Variants in SOX13 observed in about 807,000 individuals in gnomAD.
SOX13 encodes SRY-box transcription factor 13, also known as transcription factor SOX-13.
Under a neutral mutation model 71.8 loss-of-function variants are expected in SOX13, and 28 were observed. That is an observed-to-expected ratio of 0.39 (90% confidence interval 0.29 to 0.53). The LOEUF is 0.53. Among genes scored for constraint, SOX13 ranks in the 20% least tolerant of loss-of-function variants. The pLI, the probability that SOX13 is intolerant of heterozygous loss-of-function variation, is 0.70. For synonymous variants in SOX13, 309 were observed against 317.8 expected, an observed-to-expected ratio of 0.97 and a Z score of 0.29; for missense variants, 627 against 810.3, an observed-to-expected ratio of 0.77 and a Z score of 2.75.
intron 4 of SOX13, 148 bp from the exon 5 acceptor site, chr1:204,116,359 T>G: frequency 6.4e-7 from 1 of 1,561,588 alleles, no homozygotes; most frequent in Non-Finnish European, 8.7e-7. Context: ...GGCAAGCATC[T>G]TGTGTCATCA....
intron 1 of SOX13, among the ~76,000 whole-genome samples, chr1:204,106,675 T>C (rs909632738): frequency 6.6e-6 from 1 of 152,046 alleles, no homozygotes; most frequent in African/African-American, 2.4e-5. Context: ...CTGACTAATT[T>C]TGTGTTTTTA....
Position 204,117,118 on chromosome 1 carries a change from C to A in SOX13, c.592-4C>A, listed in dbSNP as rs201557813. ...CCCCTCTGCCTACTCTTTCCCTCTC[C>A]CAGATTGCAAAGCAGCAGCAGCAGC... On this transcript the variant is annotated splice_region_variant and splice_polypyrimidine_tract_variant and intron_variant, in intron 5 of 13. Coordinates refer to ENST00000367204, the MANE Select transcript of SOX13 (RefSeq NM_005686.3). 6.2e-7 allele frequency: 1 copy of A among 1,613,696 alleles called. No homozygotes were observed. Among genetic ancestry groups the A allele is most frequent in the African/African-American group, 1.3e-5 (1 of 74,898 alleles).
chr1:204,111,993 A>G (rs1656588346), intron 1 of SOX13, among the ~76,000 whole-genome samples: 1 of 152,186 alleles, frequency 6.6e-6, no homozygotes, highest in African/African-American at 2.4e-5. Flanking sequence ...GAGTAGTAGG[A>G]GTGTAGAGGC....
intron 7 of SOX13, chr1:204,117,971 A>G (rs1656729021): frequency 4.5e-6 from 2 of 448,294 alleles, no homozygotes; most frequent in Non-Finnish European, 8.1e-6. Context: ...ACTCTAGTAC[A>G]TTTACTGTGT....
chr1:204,114,699 T>A, intron 4 of SOX13, 94 bp downstream of exon 4: 1 of 927,878 alleles, frequency 1.1e-6, no homozygotes. Flanking sequence ...CAGTTCTTGG[T>A]ACATACCTAT....
At chr1:204,121,331 A>AT (rs1656800069) in intron 7 of SOX13, among the ~76,000 whole-genome samples, 1 of 152,024 alleles carries the variant, frequency 6.6e-6, no homozygotes, top group African/African-American at 2.4e-5. Context: ...TGTTGACCAG[A>AT]TTGGTCTTGA....
In SOX13 at chr1:204,125,787, C is replaced by A. The variant is rs182012570; in HGVS notation, c.1593-71C>A. ...AGTGGGAGTGCATGCTCTGAGGAGG[C>A]CTGGAGGGGAGATGGGTTTGGGGTT... On this transcript the variant is annotated intron_variant, in intron 13 of 13. Coordinates refer to ENST00000367204, the MANE Select transcript of SOX13 (RefSeq NM_005686.3). 33 of 1,501,552 alleles carry A rather than the reference C, an allele frequency of 2.2e-5. No individual in the cohort carries two copies. The Middle Eastern group carries it at 5.6e-4, about 26-fold the overall frequency. 93.0% of individuals were successfully genotyped at this position (1,501,552 alleles called of 1,614,324 possible).
At chr1:204,096,979 A>T (rs570792607) in intron 1 of SOX13, among the ~76,000 whole-genome samples, 1 of 152,320 alleles carries the variant, frequency 6.6e-6, no homozygotes, top group African/African-American at 2.4e-5. Context: ...AAACACTGAT[A>T]CGTGCCTCTG....
At position 204,116,726 on chromosome 1, in the gene SOX13, G is replaced by A. The variant is rs528463935; in HGVS notation, c.591+47G>A. On this transcript the variant is annotated intron_variant, in intron 5 of 13. Transcript: ENST00000367204. Reference sequence around the variant, plus strand: ...TAGCTTTCTTTCCAGGAAAAGGAGTGTGTCAGGACCTAGAGAAGGCTGCCT... The same window carrying A: ...TAGCTTTCTTTCCAGGAAAAGGAGTATGTCAGGACCTAGAGAAGGCTGCCT... 14 of 1,604,716 alleles carry A rather than the reference G, an allele frequency of 8.7e-6. No individual in the cohort carries two copies. The South Asian group carries it at 1.0e-4, about 12-fold the overall frequency.
At position 204,094,340 on chromosome 1, in the gene SOX13, C is replaced by T. The variant is rs572520553; in HGVS notation, c.-1-18575C>T. On this transcript the variant is annotated intron_variant, in intron 1 of 13. Coordinates refer to ENST00000367204, the MANE Select transcript of SOX13 (RefSeq NM_005686.3). ...ACCTCTCACCTGGGCCCTTCTAGAC[C>T]CTCTCTGCAATTATTTTTTCCCCTC... 6.6e-5 allele frequency among the ~76,000 whole-genome samples: 10 copies of T among 152,280 alleles called. No individual in the cohort carries two copies. In the South Asian group the frequency reaches 2.1e-3, roughly 32 times the overall value.
chr1:204,091,264 C>A (rs1656138791), intron 1 of SOX13, among the ~76,000 whole-genome samples: 1 of 152,204 alleles, frequency 6.6e-6, no homozygotes, highest in Non-Finnish European at 1.5e-5. Flanking sequence ...TCTGCCCTGA[C>A]CCATGCTGCT....
At chr1:204,100,774 G>A (rs1010905324) in intron 1 of SOX13, among the ~76,000 whole-genome samples, 9 of 152,210 alleles carry the variant, frequency 5.9e-5, no homozygotes, top group Non-Finnish European at 8.8e-5. Flanking sequence ...TCCGATGAGC[G>A]AGCCTGTGTT....
chr1:204,104,645 A>G (rs1267068095), intron 1 of SOX13, among the ~76,000 whole-genome samples: 3 of 152,040 alleles, frequency 2.0e-5, no homozygotes, highest in Non-Finnish European at 4.4e-5. Flanking sequence ...CCTTGGCACC[A>G]CCCACTCAGA....
In SOX13 at chr1:204,122,450, C is replaced by T. The variant is rs574933429; in HGVS notation, c.1024+51C>T. On this transcript the variant is annotated intron_variant, in intron 9 of 13. Coordinates refer to ENST00000367204, the MANE Select transcript of SOX13 (RefSeq NM_005686.3). ...TCCCTCAGCCCTCTTAGGGGAGAGCCGGCGGCATGATGCGACCTTGAGCAG... is the reference window on the plus strand; with the variant it reads ...TCCCTCAGCCCTCTTAGGGGAGAGCTGGCGGCATGATGCGACCTTGAGCAG... 3.5e-4 allele frequency: 514 copies of T among 1,478,288 alleles called. 1 individual carries two copies. Among genetic ancestry groups the T allele is most frequent in the African/African-American group, 3.9e-4 (28 of 71,128 alleles). 91.6% of individuals were successfully genotyped at this position (1,478,288 alleles called of 1,614,324 possible).
At chr1:204,125,792 A>AG (rs1656906958) in intron 13 of SOX13, 66 bp from the exon 14 acceptor site, 2 of 1,525,446 alleles carry the variant, frequency 1.3e-6, no homozygotes, top group Non-Finnish European at 1.8e-6. Context: ...GGAGGCCTGG[A>AG]GGGGAGATGG....
At position 204,126,196 on chromosome 1, in the gene SOX13, C is replaced by T. The variant is rs1205608100; in HGVS notation, c.*62C>T. The stretch of plus-strand genomic sequence containing the variant: ...GAAGACCTTGTCCCAACTCGATGGG[C>T]ACAGCCAGCCAACCTAAGACTATGT... On this transcript the variant is annotated 3_prime_UTR_variant, in exon 14 of 14. Coordinates refer to ENST00000367204, the MANE Select transcript of SOX13 (RefSeq NM_005686.3). 6.5e-6 allele frequency: 10 copies of T among 1,538,114 alleles called. No homozygotes were observed. The highest frequency in any genetic ancestry group is 6.0e-5 in the South Asian group (5 of 82,728).
At chr1:204,095,269 GA>G (rs1349191074) in intron 1 of SOX13, among the ~76,000 whole-genome samples, 1 of 152,210 alleles carries the variant, frequency 6.6e-6, no homozygotes, top group African/African-American at 2.4e-5. Flanking sequence ...GATTTTAGGG[GA>G]AGACTAAATC....
At chr1:204,107,472 A>T (rs1479662867) in intron 1 of SOX13, among the ~76,000 whole-genome samples, 1 of 151,854 alleles carries the variant, frequency 6.6e-6, no homozygotes, top group Non-Finnish European at 1.5e-5. Context: ...TTCCTCCCTT[A>T]TCTAGTTGAT....
At chr1:204,099,169 A>G (rs1413951270) in intron 1 of SOX13, among the ~76,000 whole-genome samples, 3 of 152,144 alleles carry the variant, frequency 2.0e-5, no homozygotes, top group African/African-American at 7.2e-5. Context: ...GAAGAGACTC[A>G]TTAGCCAGTC....
Sources: allele counts gnomAD v4.1 joint callset (sites outside exome capture counted in the v4.1 genomes callset), GRCh38; gene constraint gnomAD v4.1.1; transcripts MANE v1.5; gene names NCBI Gene and HGNC (gene_info 2026-07-23, HGNC 2026-07-21).